Variants in TNFRSF21 observed in about 807,000 individuals in gnomAD.
TNFRSF21 encodes the protein tumor necrosis factor receptor superfamily member 21.
TNFRSF21 carries 19 observed loss-of-function variants against 45.6 expected under a neutral mutation model. The ratio of observed to expected loss-of-function variants is 0.42; its 90% CI spans 0.29 to 0.61. The LOEUF is 0.61. TNFRSF21 is among the 20% of genes least tolerant of loss of function. The probability of loss-of-function intolerance (pLI) is 0.23; values close to 1 mark genes in which losing one functional copy is unlikely to be tolerated. For missense variants in TNFRSF21, 737 were observed against 851.5 expected, an observed-to-expected ratio of 0.87 and a Z score of 1.67; for synonymous variants, 314 against 335.5, an observed-to-expected ratio of 0.94 and a Z score of 0.70.
intron 1 of TNFRSF21, among the ~76,000 whole-genome samples, 163 bp from the exon 2 acceptor site, chr6:47,286,758 C>T (rs571733308): frequency 6.6e-4 from 101 of 152,292 alleles, no homozygotes; most frequent in African/African-American, 2.3e-3. Context: ...CACAGTAGAA[C>T]GAGAGAAACG....
intron 1 of TNFRSF21, among the ~76,000 whole-genome samples, chr6:47,287,909 G>GT (rs1313455443): frequency 3.0e-4 from 45 of 152,174 alleles, no homozygotes; most frequent in Non-Finnish European, 1.8e-4. Context: ...TTAAGTCTTG[G>GT]TGAGTATGAG....
At chr6:47,294,983 C>G (rs1005788791) in intron 1 of TNFRSF21, among the ~76,000 whole-genome samples, 2 of 152,194 alleles carry the variant, frequency 1.3e-5, no homozygotes. Flanking sequence ...ACATTTATTT[C>G]ACCAACAATG....
rs1392048709 is a variant in TNFRSF21 at position 47,284,058 on chromosome 6, T to G, written c.1123A>C (p.Arg375=). 1 of 1,614,092 alleles carries G rather than the reference T, an allele frequency of 6.2e-7. No homozygotes were observed. The highest frequency in any genetic ancestry group is 8.5e-7 in the Non-Finnish European group (1 of 1,180,042). ...IVVCSIRKSS[R]TLKKGPRQDP... is the part of the protein sequence containing the mutation. ...TGCCGGGGCCCCTTTTTCAGAGTCC[T>G]CGAGCTTTTCCGGATACTGCACACC... The change falls in exon 3 of 6, where the codon AGG becomes CGG. Residue 375 remains arginine, a synonymous_variant. Coordinates refer to ENST00000296861, the MANE Select transcript of TNFRSF21 (RefSeq NM_014452.5).
Position 47,246,819 on chromosome 6 carries a change from A to AT in TNFRSF21, c.1509+6436dup, listed in dbSNP as rs537091763. Among the ~76,000 whole-genome samples, 543 of 152,226 alleles carry AT rather than the reference A, an allele frequency of 3.6e-3. 3 individuals are homozygous for AT. Among genetic ancestry groups the AT allele is most frequent in the South Asian group, 0.021 (101 of 4,814 alleles). ...ATAGTCTTGAAAAAAAACTAGTCTG[A>AT]TTTTTTTAAGTGACTTTCAAATGGA... On this transcript the variant is annotated intron_variant, in intron 4 of 5. Transcript: ENST00000296861.
rs58090196 is a variant in TNFRSF21 at position 47,247,178 on chromosome 6, G to A, written c.1509+6078C>T. Among the ~76,000 whole-genome samples the A allele has an allele frequency of 7.1e-3, 1,075 of 152,248 alleles. 21 individuals carry two copies. Among genetic ancestry groups the A allele is most frequent in the African/African-American group, 0.025 (1,034 of 41,540 alleles). ...ATTTATAAACATTGCTCCTTTGTGC[G>A]CAATGACAACTTTAAACACAAGCAT... On this transcript the variant is annotated intron_variant, in intron 4 of 5. Coordinates refer to ENST00000296861, the MANE Select transcript of TNFRSF21 (RefSeq NM_014452.5).
At chr6:47,273,042 T>G (rs914697009) in intron 3 of TNFRSF21, among the ~76,000 whole-genome samples, 2 of 151,954 alleles carry the variant, frequency 1.3e-5, no homozygotes, top group African/African-American at 4.8e-5. Context: ...CACCAAAAAA[T>G]GTCCAGGACC....
At chr6:47,244,273 G>A (rs866647978) in intron 4 of TNFRSF21, among the ~76,000 whole-genome samples, 54 of 142,896 alleles carry the variant, frequency 3.8e-4, no homozygotes, top group African/African-American at 1.4e-3. Context: ...GCAGTGACCC[G>A]AGATGGCGCC....
At chr6:47,261,717 T>G (rs1765076175) in intron 3 of TNFRSF21, among the ~76,000 whole-genome samples, 1 of 152,234 alleles carries the variant, frequency 6.6e-6, no homozygotes. Context: ...CCAGAGCTCA[T>G]AAGCAGGAAA....
At chr6:47,252,753 G>C (rs1764917162) in intron 4 of TNFRSF21, among the ~76,000 whole-genome samples, 1 of 152,150 alleles carries the variant, frequency 6.6e-6, no homozygotes, top group Admixed American at 6.5e-5. Context: ...GTGCTCCACG[G>C]AACAACCCAA....
At chr6:47,290,037 G>T (rs779550016) in intron 1 of TNFRSF21, among the ~76,000 whole-genome samples, 15 of 152,102 alleles carry the variant, frequency 9.9e-5, no homozygotes, top group Non-Finnish European at 2.1e-4. Context: ...GACAGGATTA[G>T]ACCCTATCTC....
chr6:47,251,582 CT>C (rs1036247622), intron 4 of TNFRSF21, among the ~76,000 whole-genome samples: 55 of 152,152 alleles, frequency 3.6e-4, no homozygotes, highest in African/African-American at 1.3e-3. Flanking sequence ...AAATCCTAAC[CT>C]TGCATCAGTC....
At chr6:47,244,104 A>G (rs936135550) in intron 4 of TNFRSF21, among the ~76,000 whole-genome samples, 5 of 152,146 alleles carry the variant, frequency 3.3e-5, no homozygotes, top group Middle Eastern at 3.4e-3. Flanking sequence ...GGCGGATCAC[A>G]AGGTCAGGAG....
intron 4 of TNFRSF21, among the ~76,000 whole-genome samples, chr6:47,250,772 G>A (rs894895939): frequency 2.0e-5 from 3 of 152,170 alleles, no homozygotes; most frequent in African/African-American, 7.2e-5. Flanking sequence ...CTTGTTAGAT[G>A]GGACAAATTT....
intron 1 of TNFRSF21, among the ~76,000 whole-genome samples, chr6:47,297,168 G>A (rs971353211): frequency 5.9e-5 from 9 of 152,322 alleles, no homozygotes; most frequent in African/African-American, 2.2e-4. Context: ...TGTCAAAGGT[G>A]TTGTGTTGAG....
chr6:47,261,838 C>G (rs1449318245), intron 3 of TNFRSF21, among the ~76,000 whole-genome samples: 1 of 152,216 alleles, frequency 6.6e-6, no homozygotes, highest in Non-Finnish European at 1.5e-5. Context: ...GCAACATACC[C>G]ACATGTACCT....
chr6:47,291,420 G>A (rs1762726595), intron 1 of TNFRSF21, among the ~76,000 whole-genome samples: 2 of 150,716 alleles, frequency 1.3e-5, no homozygotes, highest in Admixed American at 6.6e-5. Context: ...CCCAGTTAGA[G>A]GGTGAAAAAC....
chr6:47,305,647 T>C (rs1328169379), intron 1 of TNFRSF21, among the ~76,000 whole-genome samples: 5 of 152,210 alleles, frequency 3.3e-5, no homozygotes, highest in South Asian at 4.1e-4. Context: ...CTAAGCTACA[T>C]GTCTAGTTTC....
intron 1 of TNFRSF21, among the ~76,000 whole-genome samples, chr6:47,287,562 C>T (rs1762669156): frequency 6.6e-6 from 1 of 152,038 alleles, no homozygotes; most frequent in Non-Finnish European, 1.5e-5. Context: ...TAGTTCTATA[C>T]TATAAAACTG....
chr6:47,291,714 C>G (rs2113866827), intron 1 of TNFRSF21, among the ~76,000 whole-genome samples: 1 of 152,312 alleles, frequency 6.6e-6, no homozygotes, highest in South Asian at 2.1e-4. Flanking sequence ...AATGGCTTTC[C>G]AAGTAAGAAT....
Sources: allele counts gnomAD v4.1 joint callset (sites outside exome capture counted in the v4.1 genomes callset), GRCh38; gene constraint gnomAD v4.1.1; transcripts MANE v1.5; gene names NCBI Gene and HGNC (gene_info 2026-07-23, HGNC 2026-07-21).